The following ZNF134 variants were observed in gnomAD, a reference collection of about 807,000 sequenced individuals.
ZNF134 encodes zinc finger protein 134 (clone pHZ-15).
ZNF134 carries 5 observed loss-of-function variants against 2.5 expected under a neutral mutation model. The observed-to-expected ratio is 2.03, with a 90% confidence interval of 1.06 to 4.27. ZNF134 has a LOEUF of 4.27. Ranked by LOEUF, ZNF134 falls within the 30% of genes most tolerant of loss-of-function variation. ZNF134 has a pLI of 0.00. For synonymous variants in ZNF134, 176 were observed against 176.2 expected (o/e 1.00, Z 0.01); for missense variants, 540 against 517.5 (o/e 1.04, Z -0.42).
chr19:57,623,807 A>C lies in ZNF134; in HGVS notation c.*2404A>C, dbSNP rs1981301580. 6.6e-6 allele frequency: 1 copy of C among 152,196 alleles called. No individual in the cohort carries two copies. Among genetic ancestry groups the C allele is most frequent in the Non-Finnish European group, 1.5e-5 (1 of 68,018 alleles). The allele number at this position is 152,196 out of a possible 1,614,324, so 9.4% of individuals were successfully genotyped here. ...CAAAAATATAGATAGGGGATTCCCT[A>C]GGAGGAATAATCTGCATAAACCTCT... is the stretch of plus-strand genomic sequence containing the variant. On this transcript the variant is annotated 3_prime_UTR_variant, in exon 3 of 3. Transcript: ENST00000396161.
chr19:57,618,178 T>C (rs1981103122), intron 1 of ZNF134, among the ~76,000 whole-genome samples: 2 of 152,182 alleles, frequency 1.3e-5, no homozygotes, highest in African/African-American at 4.8e-5. Flanking sequence ...TTATCTGGGA[T>C]CTGCACATGG....
rs1433837694 is a variant in ZNF134, at chr19:57,620,495, C to T, written c.376C>T (p.His126Tyr). Residue 126 changes from histidine to tyrosine, a missense_variant, in exon 3 of 3, where the codon CAT (histidine) becomes TAT (tyrosine). Transcript: ENST00000396161. ...GAACTGCACAGTTAGCAAAGAACCT[C>T]ATCCGTCAGAGAAGCCCTTTACGTG... ...VKNCTVSKEP[H>Y]PSEKPFTCKE... The T allele has an allele frequency of 1.9e-6, 3 of 1,614,216 alleles. No homozygotes were observed. Among genetic ancestry groups the T allele is most frequent in the South Asian group, 2.2e-5 (2 of 91,076 alleles).
At position 57,614,282 on chromosome 19, in the gene ZNF134, G is replaced by C. The variant is rs1194895844; in HGVS notation, c.-279G>C. 2.2e-6 allele frequency: 1 copy of C among 450,680 alleles called. No individual in the cohort carries two copies. The highest frequency in any genetic ancestry group is 4.5e-6 in the Non-Finnish European group (1 of 224,560). The allele number at this position is 450,680 out of a possible 1,614,324, so 27.9% of individuals were successfully genotyped here. A position where few individuals can be genotyped will look rare whatever the true frequency, so the allele number is the denominator to read the frequency against. ...TCGGCTCTTAGGTGGAACCATCGGA[G>C]CAGAAGCTCGGGGTTGCTGGGCGGT... On this transcript the variant is annotated 5_prime_UTR_variant, in exon 1 of 3. Coordinates refer to ENST00000396161, the MANE Select transcript of ZNF134 (RefSeq NM_003435.5).
At position 57,620,670 on chromosome 19, in the gene ZNF134, C is replaced by T. The variant is rs1981183722; in HGVS notation, c.551C>T (p.Ala184Val). ...TACAAGTGCAGTGAATGTGGGAAAGCTTTCAGCCGCAAAGACACACTTGTC... is the reference window on the plus strand; with the variant it reads ...TACAAGTGCAGTGAATGTGGGAAAGTTTTCAGCCGCAAAGACACACTTGTC... ...MHYKCSECGK[A>V]FSRKDTLVQH... Residue 184 changes from alanine to valine, a missense_variant, in exon 3 of 3, where the codon GCT becomes GTT. Ala to Val is a moderately conservative substitution (Grantham distance 64, BLOSUM62 0). Transcript: ENST00000396161. The T allele has an allele frequency of 6.2e-7, 1 of 1,614,062 alleles. No homozygotes were observed.
In ZNF134 at chr19:57,621,857, G is replaced by A. The variant is rs1981233208; in HGVS notation, c.*454G>A. ...AGTTTTTCCAGCCTCCAAGTCACCT[G>A]GCCTGGGAAAGTACTTGCCTCATGT... On this transcript the variant is annotated 3_prime_UTR_variant, in exon 3 of 3. Transcript: ENST00000396161. The A allele has an allele frequency of 3.4e-6, 1 of 295,138 alleles. No individual in the cohort carries two copies. The highest frequency in any genetic ancestry group is 8.1e-5 in the East Asian group (1 of 12,276). The allele number at this position is 295,138 out of a possible 1,614,324, so 18.3% of individuals were successfully genotyped here.
intron 1 of ZNF134, among the ~76,000 whole-genome samples, chr19:57,617,322 G>T (rs1981081963): frequency 6.6e-6 from 1 of 152,216 alleles, no homozygotes. Context: ...AACAGTTCAG[G>T]TTGGACCAGA....
In ZNF134 at chr19:57,621,583, A is replaced by G; in HGVS notation, c.*180A>G. ...ATGTCACTGTCAATCCATGTGGCCG[A>G]AACCATCTTAACTCTACCAGCTAAG... is the stretch of plus-strand genomic sequence containing the variant. On this transcript the variant is annotated 3_prime_UTR_variant, in exon 3 of 3. Transcript: ENST00000396161. 1 of 944,010 alleles carries G rather than the reference A, an allele frequency of 1.1e-6. No homozygotes were observed. The highest frequency in any genetic ancestry group is 1.7e-6 in the Non-Finnish European group (1 of 583,422). The allele number at this position is 944,010 out of a possible 1,614,324, so 58.5% of individuals were successfully genotyped here. A position where few individuals can be genotyped will look rare whatever the true frequency, so the allele number is the denominator to read the frequency against.
intron 1 of ZNF134, among the ~76,000 whole-genome samples, chr19:57,617,852 G>A (rs555508833): frequency 1.3e-5 from 2 of 152,282 alleles, no homozygotes; most frequent in African/African-American, 4.8e-5. Flanking sequence ...ATAGGGTCAG[G>A]CAGGTGGCAA....
At position 57,621,007 on chromosome 19, in the gene ZNF134, C is replaced by G. The variant is rs1283859578; in HGVS notation, c.888C>G (p.Val296=). The change falls in exon 3 of 3, where the codon GTC becomes GTG. Residue 296 remains valine, a synonymous_variant. Transcript: ENST00000396161. The part of the protein sequence containing the change: ...RPYKCSDCGK[V]FRHKSTLVQH... ...ATAAGTGCAGTGATTGTGGGAAAGT[C>G]TTCAGACACAAATCTACACTTGTTC... 6.2e-7 allele frequency: 1 copy of G among 1,613,854 alleles called. No individual in the cohort carries two copies. Among genetic ancestry groups the G allele is most frequent in the Non-Finnish European group, 8.5e-7 (1 of 1,179,992 alleles).
intron 1 of ZNF134, among the ~76,000 whole-genome samples, chr19:57,616,688 G>C (rs192991071): frequency 1.2e-4 from 19 of 152,346 alleles, no homozygotes; most frequent in Admixed American, 2.6e-4. Context: ...CAGGGCTTAG[G>C]GAAACAGTTC....
chr19:57,618,583 T>C (rs909928978), intron 1 of ZNF134, among the ~76,000 whole-genome samples: 2 of 152,204 alleles, frequency 1.3e-5, no homozygotes, highest in African/African-American at 4.8e-5. Flanking sequence ...GCCCATGGTG[T>C]TTTATCTGTC....
chr19:57,620,090 C>T, intron 2 of ZNF134, 70 bp from the exon 3 acceptor site: 1 of 1,544,794 alleles, frequency 6.5e-7, no homozygotes, highest in Non-Finnish European at 8.8e-7. Context: ...ACAGCAGACA[C>T]ATATTTGTGA....
At position 57,621,558 on chromosome 19, in the gene ZNF134, A is replaced by G; in HGVS notation, c.*155A>G. 8.7e-7 allele frequency: 1 copy of G among 1,154,052 alleles called. No individual in the cohort carries two copies. The allele number at this position is 1,154,052 out of a possible 1,614,324, so 71.5% of individuals were successfully genotyped here. A position where few individuals can be genotyped will look rare whatever the true frequency, so the allele number is the denominator to read the frequency against. Reference sequence around the variant, plus strand: ...CTTGCTCAGGTTTTTTGCCAGAGTTATGTCACTGTCAATCCATGTGGCCGA... The same window carrying G: ...CTTGCTCAGGTTTTTTGCCAGAGTTGTGTCACTGTCAATCCATGTGGCCGA... On this transcript the variant is annotated 3_prime_UTR_variant, in exon 3 of 3. Coordinates refer to ENST00000396161, the MANE Select transcript of ZNF134 (RefSeq NM_003435.5).
intron 1 of ZNF134, among the ~76,000 whole-genome samples, chr19:57,618,148 A>G (rs1404552758): frequency 6.6e-6 from 1 of 152,226 alleles, no homozygotes; most frequent in Non-Finnish European, 1.5e-5. Context: ...GTACAACAAC[A>G]AAGCAGAAAA....
Position 57,621,530 on chromosome 19 carries a change from T to A in ZNF134, c.*127T>A. ...CCTTCTAGGGATATGTTGCACTTTC[T>A]GACTTGCTCAGGTTTTTTGCCAGAG... is the stretch of plus-strand genomic sequence containing the variant. On this transcript the variant is annotated 3_prime_UTR_variant, in exon 3 of 3. Transcript: ENST00000396161. 1.4e-5 allele frequency: 21 copies of A among 1,471,434 alleles called. No homozygotes were observed. Among genetic ancestry groups the A allele is most frequent in the Non-Finnish European group, 2.0e-5 (21 of 1,064,208 alleles). The allele number at this position is 1,471,434 out of a possible 1,614,324, so 91.1% of individuals were successfully genotyped here.
Position 57,621,448 on chromosome 19 carries a change from T to G in ZNF134, c.*45T>G. The G allele has an allele frequency of 6.2e-7, 1 of 1,606,052 alleles. No individual in the cohort carries two copies. Among genetic ancestry groups the G allele is most frequent in the Non-Finnish European group, 8.5e-7 (1 of 1,179,646 alleles). On this transcript the variant is annotated 3_prime_UTR_variant, in exon 3 of 3. Transcript: ENST00000396161. ...GGACTCATCAATCAGATGTTGAATT[T>G]CATGTATCTGAACATTGACACAAAG...
rs1416688455 is a variant in ZNF134 at position 57,622,227 on chromosome 19, T to C, written c.*824T>C. On this transcript the variant is annotated 3_prime_UTR_variant, in exon 3 of 3. Coordinates refer to ENST00000396161, the MANE Select transcript of ZNF134 (RefSeq NM_003435.5). ...TGCAGTGTTTTGAAACAGCATGGAT[T>C]GGGTGTCTTGTTTGCAGCATGTGTC... The C allele has an allele frequency of 1.3e-5, 2 of 153,018 alleles. No homozygotes were observed. Among genetic ancestry groups the C allele is most frequent in the African/African-American group, 4.8e-5 (2 of 41,428 alleles). 9.5% of individuals were successfully genotyped at this position (153,018 alleles called of 1,614,324 possible). A position where few individuals can be genotyped will look rare whatever the true frequency, so the allele number is the denominator to read the frequency against.
In ZNF134 at chr19:57,621,901, T is replaced by A. The variant is rs1235312581; in HGVS notation, c.*498T>A. 1.9e-5 allele frequency: 5 copies of A among 260,966 alleles called. 1 individual carries two copies. The Admixed American group carries it at 2.4e-4, about 13-fold the overall frequency. 16.2% of individuals were successfully genotyped at this position (260,966 alleles called of 1,614,324 possible). On this transcript the variant is annotated 3_prime_UTR_variant, in exon 3 of 3. Transcript: ENST00000396161. The stretch of plus-strand genomic sequence containing the variant: ...CTCATGTTGCTCTGGTTTGTGATAA[T>A]AAAGGCTTTACAGTTTAAGCCACAT...
In ZNF134 at chr19:57,621,875, C is replaced by T. The variant is rs10403536; in HGVS notation, c.*472C>T. The T allele has an allele frequency of 0.056, 15,935 of 283,850 alleles. 721 individuals are homozygous for T. The highest frequency in any genetic ancestry group is 0.16 in the East Asian group (1,946 of 11,896). The allele number at this position is 283,850 out of a possible 1,614,324, so 17.6% of individuals were successfully genotyped here. On this transcript the variant is annotated 3_prime_UTR_variant, in exon 3 of 3. Transcript: ENST00000396161. ...GTCACCTGGCCTGGGAAAGTACTTG[C>T]CTCATGTTGCTCTGGTTTGTGATAA... is the stretch of plus-strand genomic sequence containing the variant.
Sources: gnomAD v4.1 joint callset for allele counts (sites outside exome capture counted in the v4.1 genomes callset) on GRCh38, gnomAD v4.1.1 for gene constraint, MANE v1.5 for transcripts, NCBI Gene and HGNC (gene_info 2026-07-23, HGNC 2026-07-21) for gene names.